Variants in BRCA1 observed in about 807,000 individuals in gnomAD.
The protein encoded by BRCA1 is BRCA1 DNA repair associated.
BRCA1 carries 140 observed loss-of-function variants against 173.7 expected under a neutral mutation model. The ratio of observed to expected loss-of-function variants is 0.81; its 90% CI spans 0.70 to 0.93. The LOEUF (loss-of-function observed/expected upper bound fraction) is 0.93. BRCA1 is among the 40% of genes least tolerant of loss of function. The pLI, the probability that BRCA1 is intolerant of heterozygous loss-of-function variation, is 0.00. For synonymous variants in BRCA1, 662 were observed against 756.0 expected (o/e 0.88, Z 2.04); for missense variants, 1,983 against 2,172.5 (o/e 0.91, Z 1.73).
At chr17:43,069,642 A>G (rs931037026) in intron 15 of BRCA1, among the ~76,000 whole-genome samples, 1 of 152,222 alleles carries the variant, frequency 6.6e-6, no homozygotes. Flanking sequence ...TGGGATTATG[A>G]GATGAAAACA....
chr17:43,160,279 G>A (rs1394437823), intron 1 of BRCA1: 1 of 151,944 alleles, frequency 6.6e-6, no homozygotes, highest in Non-Finnish European at 1.5e-5. Flanking sequence ...AAACTCCTCA[G>A]ACACCGAGTT....
At chr17:43,098,261 C>T (rs942665840) in intron 7 of BRCA1, among the ~76,000 whole-genome samples, 1 of 151,822 alleles carries the variant, frequency 6.6e-6, no homozygotes, top group African/African-American at 2.4e-5. Flanking sequence ...AAACTCCTGG[C>T]TTCAAGCAAT....
chr17:43,107,505 C>T (rs553061285), intron 3 of BRCA1, among the ~76,000 whole-genome samples: 1 of 151,746 alleles, frequency 6.6e-6, no homozygotes, highest in African/African-American at 2.4e-5. Flanking sequence ...CTCAGCCTCC[C>T]GAGTAGCTGG....
At chr17:43,057,181 C>A (rs2153409147) in intron 18 of BRCA1, 46 bp from the exon 19 acceptor site, 1 of 1,586,124 alleles carries the variant, frequency 6.3e-7, no homozygotes, top group South Asian at 1.1e-5. Flanking sequence ...GAAAGAGAAG[C>A]TTCCTTCAAT....
At chr17:43,162,866 C>G (rs1292236102) in intron 1 of BRCA1, 2 of 152,120 alleles carry the variant, frequency 1.3e-5, no homozygotes, top group African/African-American at 4.8e-5. Context: ...CCCTCACAGT[C>G]TACTGATGTT....
chr17:43,118,104 G>A (rs966085430), intron 2 of BRCA1, among the ~76,000 whole-genome samples: 8 of 152,112 alleles, frequency 5.3e-5, no homozygotes, highest in African/African-American at 1.7e-4. Flanking sequence ...GTCAGGAAAG[G>A]TTTCACTGAG....
chr17:43,154,643 A>G (rs546360514), intron 1 of BRCA1, among the ~76,000 whole-genome samples: 2 of 151,624 alleles, frequency 1.3e-5, no homozygotes, highest in South Asian at 2.1e-4. Context: ...CATTCCTGAG[A>G]GTAATTCATT....
chr17:43,111,863 TAAAAA>T (rs1041866128), intron 3 of BRCA1, among the ~76,000 whole-genome samples: 2 of 151,462 alleles, frequency 1.3e-5, no homozygotes, highest in African/African-American at 4.8e-5. Flanking sequence ...CAAACAAAAA[TAAAAA>T]AAAGATTTCA....
rs1415813169 is a variant in BRCA1, at chr17:43,124,122, C to T, written c.-19-7G>A. On this transcript the variant is annotated splice_polypyrimidine_tract_variant and splice_region_variant and intron_variant, in intron 1 of 22. Transcript: ENST00000357654. The stretch of plus-strand genomic sequence containing the variant: ...TTCTTTCTGTTCCAATGAACTTTAA[C>T]ACATTAGAAAAACATATATATATAT... 4 of 1,511,712 alleles carry T rather than the reference C, an allele frequency of 2.6e-6. No individual in the cohort carries two copies. In the East Asian group the frequency reaches 9.0e-5, roughly 34 times the overall value. 93.6% of individuals were successfully genotyped at this position (1,511,712 alleles called of 1,614,324 possible).
Position 43,087,263 on chromosome 17 carries a change from C to T in BRCA1, c.4185+3681G>A, listed in dbSNP as rs529236142. Among the ~76,000 whole-genome samples, 387 of 152,278 alleles carry T rather than the reference C, an allele frequency of 2.5e-3. 2 individuals are homozygous for T. Among genetic ancestry groups the T allele is most frequent in the African/African-American group, 8.5e-3 (353 of 41,544 alleles). On this transcript the variant is annotated intron_variant, in intron 11 of 22. Transcript: ENST00000357654. ...GTGATGTACATAATAGCAAACTGTG[C>T]CTCTTACCCTGAAACCTCCAACATT... is the stretch of plus-strand genomic sequence containing the variant.
At chr17:43,108,380 G>A (rs1157952749) in intron 3 of BRCA1, among the ~76,000 whole-genome samples, 1 of 150,228 alleles carries the variant, frequency 6.7e-6, no homozygotes, top group Non-Finnish European at 1.5e-5. Context: ...AAGACACTTA[G>A]AGAATATTTT....
intron 1 of BRCA1, among the ~76,000 whole-genome samples, chr17:43,146,291 T>C (rs2056120680): frequency 6.7e-6 from 1 of 148,234 alleles, no homozygotes; most frequent in South Asian, 2.1e-4. Context: ...CTTTTTAGAT[T>C]TTTGTTACTT....
intron 1 of BRCA1, among the ~76,000 whole-genome samples, chr17:43,146,570 A>G (rs1360218575): frequency 1.3e-5 from 2 of 151,694 alleles, no homozygotes; most frequent in Non-Finnish European, 2.9e-5. Context: ...AGCCTCCCAA[A>G]GTCTTGGGAT....
intron 1 of BRCA1, chr17:43,131,401 A>T (rs2154581315): frequency 3.0e-6 from 1 of 329,972 alleles, no homozygotes; most frequent in Non-Finnish European, 6.7e-6. Flanking sequence ...ATAATAATAA[A>T]AACAATGAGA....
intron 2 of BRCA1, among the ~76,000 whole-genome samples, chr17:43,122,469 T>TA (rs1163435167): frequency 1.3e-5 from 2 of 152,230 alleles, no homozygotes; most frequent in East Asian, 3.9e-4. Flanking sequence ...GGACTAGAGA[T>TA]AAAAAATGGA....
At chr17:43,056,213 G>T (rs185659604) in intron 19 of BRCA1, among the ~76,000 whole-genome samples, 5 of 147,180 alleles carry the variant, frequency 3.4e-5, no homozygotes, top group Non-Finnish European at 5.9e-5. Flanking sequence ...TCTGTCTGTC[G>T]TCTAGGCTGG....
At chr17:43,064,827 A>ATTTTTTTTTTTTT (rs60879064) in intron 16 of BRCA1, among the ~76,000 whole-genome samples, 1 of 106,694 alleles carries the variant, frequency 9.4e-6, no homozygotes, top group Non-Finnish European at 1.8e-5. Context: ...TTTGATTTGC[A>ATTTTTTTTTTTTT]TTTTTTTTTT....
upstream of BRCA1, among the ~76,000 whole-genome samples, chr17:43,129,036 A>G (rs2055941866): frequency 6.6e-6 from 1 of 152,154 alleles, no homozygotes; most frequent in Non-Finnish European, 1.5e-5. Flanking sequence ...TTGTTTCATT[A>G]AAGGGATTTT....
intron 1 of BRCA1, among the ~76,000 whole-genome samples, chr17:43,136,861 A>C (rs2056028804): frequency 6.6e-6 from 1 of 152,236 alleles, no homozygotes; most frequent in Non-Finnish European, 1.5e-5. Flanking sequence ...ACCATTGTGG[A>C]AAACAGTGTG....
Sources: gnomAD v4.1 joint callset for allele counts (sites outside exome capture counted in the v4.1 genomes callset) on GRCh38, gnomAD v4.1.1 for gene constraint, MANE v1.5 for transcripts, NCBI Gene and HGNC (gene_info 2026-07-23, HGNC 2026-07-21) for gene names.